Variants in CEP63 observed in about 807,000 individuals in gnomAD.
The protein encoded by CEP63 is centrosomal protein of 63 kDa.
A neutral mutation model predicts 89.1 loss-of-function variants in CEP63; 84 were observed. The ratio of observed to expected loss-of-function variants is 0.94; its 90% CI spans 0.79 to 1.13. The LOEUF (loss-of-function observed/expected upper bound fraction) is 1.13. CEP63 is among the 50% of genes most tolerant of loss of function. The probability of loss-of-function intolerance (pLI) is 0.00; values close to 1 mark genes in which losing one functional copy is unlikely to be tolerated. For missense variants in CEP63, 838 were observed against 813.3 expected (o/e 1.03, Z -0.37); for synonymous variants, 267 against 272.5 (o/e 0.98, Z 0.20).
At chr3:134,739,736 C>A in the CEP63 span, among the ~76,000 whole-genome samples, 1 of 147,488 alleles carries the variant, frequency 6.8e-6, no homozygotes, top group Non-Finnish European at 1.5e-5. Flanking sequence ...ACATGCATAG[C>A]AAAATTGATT....
At chr3:134,516,486 G>C (rs536718899) in intron 3 of CEP63, among the ~76,000 whole-genome samples, 1 of 152,288 alleles carries the variant, frequency 6.6e-6, no homozygotes, top group Non-Finnish European at 1.5e-5. Context: ...CCCTTTACGG[G>C]TGTCGGGCTG....
chr3:134,669,490 G>T, the CEP63 span, among the ~76,000 whole-genome samples: 13 of 152,206 alleles, frequency 8.5e-5, no homozygotes, highest in African/African-American at 3.1e-4. Context: ...GGCCCAAGTT[G>T]CTTTTCAGCT....
the CEP63 span, among the ~76,000 whole-genome samples, chr3:134,733,235 C>T: frequency 6.6e-6 from 1 of 152,130 alleles, no homozygotes; most frequent in Non-Finnish European, 1.5e-5. Flanking sequence ...AAGTGCCTCA[C>T]TCACAATCTG....
rs1260424479 is a variant in CEP63 at position 134,545,788 on chromosome 3, A to G, written c.758A>G (p.Glu253Gly). 6.2e-7 allele frequency: 1 copy of G among 1,613,864 alleles called. No individual in the cohort carries two copies. Among genetic ancestry groups the G allele is most frequent in the East Asian group, 2.2e-5 (1 of 44,862 alleles). ...CTACAGGAGCAGCAGCAAAAAGAAG[A>G]AAAATTGAGGGAATCTGAAAAACTA... ...TVLQEQQQKE[E>G]KLRESEKLLE... is the part of the protein sequence containing the mutation. Residue 253 changes from glutamate to glycine, a missense_variant, in exon 7 of 15, where the codon GAA becomes GGA. Glu to Gly is a moderately conservative substitution (Grantham distance 98). Coordinates refer to ENST00000675561, the MANE Select transcript of CEP63 (RefSeq NM_001353108.3).
chr3:134,662,025 C>A, the CEP63 span, among the ~76,000 whole-genome samples: 2 of 152,202 alleles, frequency 1.3e-5, no homozygotes, highest in African/African-American at 4.8e-5. Flanking sequence ...TGCCTGTAAT[C>A]CCAGCACTGC....
intron 3 of CEP63, among the ~76,000 whole-genome samples, chr3:134,521,772 A>T (rs929786531): frequency 6.6e-6 from 1 of 152,196 alleles, no homozygotes; most frequent in Non-Finnish European, 1.5e-5. Context: ...CAATAGTCCA[A>T]TTAACTAAAT....
At chr3:134,653,875 C>T in the CEP63 span, among the ~76,000 whole-genome samples, 1 of 152,214 alleles carries the variant, frequency 6.6e-6, no homozygotes, top group African/African-American at 2.4e-5. Flanking sequence ...ACCCCAAACA[C>T]ACCATACTAG....
the CEP63 span, among the ~76,000 whole-genome samples, chr3:134,626,657 G>A: frequency 6.6e-6 from 1 of 152,220 alleles, no homozygotes; most frequent in Non-Finnish European, 1.5e-5. Flanking sequence ...GGGGAGGGGT[G>A]TGTGTCACCT....
At chr3:134,782,285 T>C in the CEP63 span, among the ~76,000 whole-genome samples, 1 of 152,214 alleles carries the variant, frequency 6.6e-6, no homozygotes, top group Non-Finnish European at 1.5e-5. Flanking sequence ...TAGAACCCAC[T>C]AACAAAACCG....
chr3:134,506,998 TTTAA>T (rs1943625713), intron 2 of CEP63, 107 bp from the exon 3 acceptor site: 4 of 702,868 alleles, frequency 5.7e-6, no homozygotes, highest in South Asian at 3.3e-5. Flanking sequence ...ATTAATGTCA[TTTAA>T]TTATTTACTT....
chr3:134,532,937 C>A, intron 5 of CEP63, 37 bp downstream of exon 5: 2 of 1,609,238 alleles, frequency 1.2e-6, no homozygotes, highest in South Asian at 1.1e-5. Context: ...TAGTGATTGT[C>A]AGCCTTCACG....
At chr3:134,728,392 T>C in the CEP63 span, among the ~76,000 whole-genome samples, 1 of 152,264 alleles carries the variant, frequency 6.6e-6, no homozygotes, top group Non-Finnish European at 1.5e-5. Context: ...ATATGCTTAG[T>C]AATTTGTGAT....
the CEP63 span, among the ~76,000 whole-genome samples, chr3:134,657,006 A>T: frequency 6.6e-6 from 1 of 152,250 alleles, no homozygotes; most frequent in Non-Finnish European, 1.5e-5. Flanking sequence ...ATAGAGTATA[A>T]TAAGTGAACA....
the CEP63 span, among the ~76,000 whole-genome samples, chr3:134,711,434 A>T: frequency 6.6e-6 from 1 of 152,006 alleles, no homozygotes; most frequent in Non-Finnish European, 1.5e-5. Flanking sequence ...CATACTTGTG[A>T]CTGTCATCCT....
the CEP63 span, among the ~76,000 whole-genome samples, chr3:134,687,340 G>A: frequency 1.3e-5 from 2 of 152,196 alleles, no homozygotes; most frequent in East Asian, 3.8e-4. Context: ...GAAAACATAT[G>A]GAGAAACTCT....
At chr3:134,638,061 C>T in the CEP63 span, among the ~76,000 whole-genome samples, 4 of 152,184 alleles carry the variant, frequency 2.6e-5, no homozygotes, top group African/African-American at 9.7e-5. Context: ...AGCATTCCCT[C>T]AAGGAAAACA....
At chr3:134,609,861 A>G in the CEP63 span, among the ~76,000 whole-genome samples, 1 of 152,226 alleles carries the variant, frequency 6.6e-6, no homozygotes, top group East Asian at 1.9e-4. Flanking sequence ...AAAGTCTGGA[A>G]GGGAACCTGC....
chr3:134,531,723 A>G (rs866243980), intron 3 of CEP63, 122 bp from the exon 4 acceptor site: 8 of 747,654 alleles, frequency 1.1e-5, no homozygotes, highest in African/African-American at 7.0e-5. Context: ...GGGTATCACC[A>G]TATATATGCA....
chr3:134,662,728 T>C, the CEP63 span, among the ~76,000 whole-genome samples: 1 of 152,244 alleles, frequency 6.6e-6, no homozygotes, highest in Non-Finnish European at 1.5e-5. Context: ...TTGAAAAGCA[T>C]GCCACTTGAC....
Sources: gnomAD v4.1 joint callset for allele counts (sites outside exome capture counted in the v4.1 genomes callset) on GRCh38, gnomAD v4.1.1 for gene constraint, MANE v1.5 for transcripts, NCBI Gene and HGNC (gene_info 2026-07-23, HGNC 2026-07-21) for gene names.